Variants in CHRM2 observed in about 807,000 individuals in gnomAD.
CHRM2 encodes the protein muscarinic acetylcholine receptor M2.
Under a neutral mutation model 25.0 loss-of-function variants are expected in CHRM2, and 8 were observed. That is an observed-to-expected ratio of 0.32 (90% CI 0.19 to 0.58). The LOEUF (loss-of-function observed/expected upper bound fraction) is 0.58. Among genes scored for constraint, CHRM2 ranks in the 20% least tolerant of loss-of-function variants. The pLI is 0.88. For missense variants in CHRM2, 440 were observed against 567.1 expected (o/e 0.78, Z 2.28); for synonymous variants, 202 against 205.7 (o/e 0.98, Z 0.15).
chr7:136,950,608 T>C (rs1444883556), intron 2 of CHRM2, among the ~76,000 whole-genome samples: 1 of 151,904 alleles, frequency 6.6e-6, no homozygotes, highest in Non-Finnish European at 1.5e-5. Flanking sequence ...CAGTGAACGA[T>C]GTAAATGAAT....
At chr7:136,950,753 T>G (rs1431845920) in intron 2 of CHRM2, among the ~76,000 whole-genome samples, 1 of 152,178 alleles carries the variant, frequency 6.6e-6, no homozygotes, top group Non-Finnish European at 1.5e-5. Flanking sequence ...ACAAGTCCAG[T>G]GCTTTTACAG....
At chr7:136,985,096 G>A (rs186182246) in intron 2 of CHRM2, among the ~76,000 whole-genome samples, 1 of 152,226 alleles carries the variant, frequency 6.6e-6, no homozygotes, top group East Asian at 1.9e-4. Flanking sequence ...ATCATGGTAA[G>A]GTGCTGGAAA....
chr7:136,932,634 T>C (rs1412855071), intron 2 of CHRM2, among the ~76,000 whole-genome samples: 2 of 152,182 alleles, frequency 1.3e-5, no homozygotes, highest in Non-Finnish European at 2.9e-5. Context: ...AAATGGATCA[T>C]AGATATAAAT....
At chr7:136,957,651 C>A (rs1396355013) in intron 2 of CHRM2, among the ~76,000 whole-genome samples, 3 of 152,180 alleles carry the variant, frequency 2.0e-5, no homozygotes, top group Non-Finnish European at 2.9e-5. Flanking sequence ...CATACCAGCA[C>A]TGTGTGTCTC....
At chr7:136,882,427 C>T (rs1796302684) in intron 2 of CHRM2, among the ~76,000 whole-genome samples, 1 of 151,170 alleles carries the variant, frequency 6.6e-6, no homozygotes, top group Non-Finnish European at 1.5e-5. Context: ...TTCTCCTCTT[C>T]CTTTCTCCTC....
At chr7:137,000,194 C>CTTTCT (rs1803895171) in intron 3 of CHRM2, among the ~76,000 whole-genome samples, 1 of 73,316 alleles carries the variant, frequency 1.4e-5, no homozygotes, top group East Asian at 4.6e-4. Context: ...CTTTTTCTTT[C>CTTTCT]TTTTTTTTTT....
At chr7:137,014,754 A>G in intron 3 of CHRM2, 66 bp from the exon 4 acceptor site, 1 of 1,000,860 alleles carries the variant, frequency 1.0e-6, no homozygotes, top group Non-Finnish European at 1.5e-6. Context: ...AAAAGGAGAA[A>G]CAACATTATG....
intron 2 of CHRM2, among the ~76,000 whole-genome samples, chr7:136,904,514 T>G (rs919004320): frequency 6.6e-6 from 1 of 151,914 alleles, no homozygotes; most frequent in South Asian, 2.1e-4. Context: ...TTAAATGTTT[T>G]TCTCATGCTT....
At chr7:137,004,847 C>A (rs546498411) in intron 3 of CHRM2, among the ~76,000 whole-genome samples, 1 of 152,048 alleles carries the variant, frequency 6.6e-6, no homozygotes, top group South Asian at 2.1e-4. Context: ...CTCATTTTTT[C>A]AAGTTTTCAT....
chr7:136,885,502 C>A (rs1361416280), intron 2 of CHRM2, among the ~76,000 whole-genome samples: 1 of 152,194 alleles, frequency 6.6e-6, no homozygotes. Flanking sequence ...TGTCCCCCTG[C>A]AGTATTCAGT....
At chr7:136,911,322 A>G (rs1371971499) in intron 2 of CHRM2, among the ~76,000 whole-genome samples, 2 of 151,966 alleles carry the variant, frequency 1.3e-5, no homozygotes, top group Non-Finnish European at 2.9e-5. Context: ...TAACATTTAT[A>G]TAGTGTTTTC....
At chr7:136,880,649 T>C (rs1248397262) in intron 2 of CHRM2, among the ~76,000 whole-genome samples, 1 of 151,858 alleles carries the variant, frequency 6.6e-6, no homozygotes, top group Non-Finnish European at 1.5e-5. Flanking sequence ...CTTTATTTAT[T>C]AGGCCAGTTT....
At chr7:136,870,759 G>A (rs1457532422) in intron 2 of CHRM2, 2 of 152,304 alleles carry the variant, frequency 1.3e-5, no homozygotes, top group East Asian at 1.9e-4. Flanking sequence ...GCGTCTTTAA[G>A]TCAGTTCACC....
At chr7:136,961,210 A>G (rs1487639557) in intron 2 of CHRM2, among the ~76,000 whole-genome samples, 1 of 152,182 alleles carries the variant, frequency 6.6e-6, no homozygotes, top group African/African-American at 2.4e-5. Flanking sequence ...TTCTACTATC[A>G]GTACAGTATT....
intron 2 of CHRM2, among the ~76,000 whole-genome samples, chr7:136,936,093 G>C (rs1321369403): frequency 6.6e-6 from 1 of 151,954 alleles, no homozygotes. Context: ...TCAAAAACTT[G>C]AATCTACCCA....
chr7:137,014,389 C>T (rs1805032133), intron 3 of CHRM2, among the ~76,000 whole-genome samples: 1 of 151,992 alleles, frequency 6.6e-6, no homozygotes, highest in Non-Finnish European at 1.5e-5. Context: ...ACATTCTATG[C>T]TTTCTTCTAT....
intron 2 of CHRM2, among the ~76,000 whole-genome samples, chr7:136,988,070 T>C (rs886817873): frequency 1.3e-5 from 2 of 150,392 alleles, no homozygotes; most frequent in Non-Finnish European, 3.0e-5. Flanking sequence ...CATATATGAA[T>C]ATATAAAAAT....
intron 2 of CHRM2, among the ~76,000 whole-genome samples, chr7:136,963,946 C>T (rs1801253023): frequency 6.6e-6 from 1 of 152,162 alleles, no homozygotes; most frequent in African/African-American, 2.4e-5. Flanking sequence ...GATGTCCTCT[C>T]TTTATACTTC....
At chr7:136,885,846 A>AG (rs780450085) in intron 2 of CHRM2, among the ~76,000 whole-genome samples, 2 of 152,126 alleles carry the variant, frequency 1.3e-5, no homozygotes, top group South Asian at 2.1e-4. Flanking sequence ...TACTGGATTG[A>AG]GGGGGGAAGA....
Sources: gnomAD v4.1 joint callset for allele counts (sites outside exome capture counted in the v4.1 genomes callset) on GRCh38, gnomAD v4.1.1 for gene constraint, MANE v1.5 for transcripts, NCBI Gene and HGNC (gene_info 2026-07-23, HGNC 2026-07-21) for gene names.